PITPNA: variants seen among roughly 807,000 people sequenced by gnomAD.
PITPNA encodes the protein phosphatidylinositol transfer protein alpha isoform.
PITPNA carries 13 observed loss-of-function variants against 50.3 expected under a neutral mutation model. The observed-to-expected ratio is 0.26, with a 90% CI of 0.17 to 0.41. PITPNA has a LOEUF of 0.41. Ranked by LOEUF, PITPNA falls within the 10% of genes least tolerant of loss-of-function variation. The pLI is 1.00. For synonymous variants in PITPNA, 120 were observed against 119.6 expected (o/e 1.00, Z -0.02); for missense variants, 207 against 333.4 (o/e 0.62, Z 2.95).
intron 10 of PITPNA, among the ~76,000 whole-genome samples, chr17:1,524,715 G>A (rs985116260): frequency 1.8e-4 from 28 of 151,916 alleles, no homozygotes; most frequent in African/African-American, 5.6e-4. Context: ...TGGGCATTGT[G>A]GCAGGCACCT....
At chr17:1,548,458 C>T (rs2075690486) in intron 3 of PITPNA, 71 bp from the exon 4 acceptor site, 1 of 1,061,600 alleles carries the variant, frequency 9.4e-7, no homozygotes, top group Admixed American at 2.3e-5. Flanking sequence ...TTTTCAGATC[C>T]AGCTTCTTCA....
chr17:1,521,926 T>C (rs2075516006), intron 10 of PITPNA, among the ~76,000 whole-genome samples: 1 of 150,324 alleles, frequency 6.7e-6, no homozygotes, highest in South Asian at 2.1e-4. Context: ...GGTCTTCCTA[T>C]GTTGACCAGG....
chr17:1,536,579 G>A (rs557661360), intron 7 of PITPNA, among the ~76,000 whole-genome samples: 32 of 149,012 alleles, frequency 2.1e-4, no homozygotes, highest in East Asian at 1.6e-3. Flanking sequence ...GTGAGCCACC[G>A]CGCCCTGCCT....
chr17:1,562,514 G>T lies in PITPNA; in HGVS notation c.20+27C>A. 1.0e-6 allele frequency: 1 copy of T among 996,096 alleles called. No homozygotes were observed. The highest frequency in any genetic ancestry group is 2.5e-5 in the Admixed American group (1 of 39,790). The allele number at this position is 996,096 out of a possible 1,614,324, so 61.7% of individuals were successfully genotyped here. A position where few individuals can be genotyped will look rare whatever the true frequency, so the allele number is the denominator to read the frequency against. Reference sequence around the variant, plus strand: ...GCCGTCCCCACCCTCCCTCCTCCCCGCTTCCGCACGGCCGCCGGACACTCA... The same window carrying T: ...GCCGTCCCCACCCTCCCTCCTCCCCTCTTCCGCACGGCCGCCGGACACTCA... On this transcript the variant is annotated intron_variant, in intron 1 of 11. Transcript: ENST00000313486. The surrounding 1 kb of genome is among the most constrained non-coding windows in gnomAD (Gnocchi z 6.4).
intron 10 of PITPNA, among the ~76,000 whole-genome samples, chr17:1,522,361 G>A (rs150480105): frequency 0.044 from 6,670 of 151,784 alleles, 505 homozygotes; most frequent in African/African-American, 0.15. Context: ...GTGAGCCACC[G>A]CGCCTGGCCG....
At chr17:1,536,651 T>C (rs531585447) in intron 7 of PITPNA, among the ~76,000 whole-genome samples, 3 of 152,022 alleles carry the variant, frequency 2.0e-5, no homozygotes, top group Non-Finnish European at 4.4e-5. Context: ...TGGAGTGCAG[T>C]GGCACGATCT....
chr17:1,560,034 C>A (rs1194945436), intron 1 of PITPNA, among the ~76,000 whole-genome samples: 3 of 152,152 alleles, frequency 2.0e-5, no homozygotes, highest in African/African-American at 7.2e-5. Context: ...AAATCACATC[C>A]AAGATTTTGC....
chr17:1,545,295 G>A (rs1205568025), intron 4 of PITPNA, among the ~76,000 whole-genome samples: 1 of 152,234 alleles, frequency 6.6e-6, no homozygotes, highest in Non-Finnish European at 1.5e-5. Flanking sequence ...CAAAAGCCAT[G>A]AGGCATTTTA....
intron 10 of PITPNA, among the ~76,000 whole-genome samples, chr17:1,523,381 T>C (rs1433776612): frequency 1.3e-5 from 2 of 152,182 alleles, no homozygotes; most frequent in East Asian, 1.9e-4. Context: ...CTGGCTCTGT[T>C]GCCCAGGATG....
At chr17:1,524,045 CTTTT>C (rs71148495) in intron 10 of PITPNA, among the ~76,000 whole-genome samples, 7 of 101,904 alleles carry the variant, frequency 6.9e-5, no homozygotes, top group Non-Finnish European at 8.1e-5. Flanking sequence ...TTTCTTTTTT[CTTTT>C]TTTTTTTTTT....
At chr17:1,556,794 C>G (rs1027128989) in intron 2 of PITPNA, among the ~76,000 whole-genome samples, 19 of 152,058 alleles carry the variant, frequency 1.2e-4, no homozygotes, top group Non-Finnish European at 2.6e-4. Context: ...AAAATCATCG[C>G]TTGCTATTTT....
At chr17:1,556,588 G>C (rs1276138689) in intron 2 of PITPNA, among the ~76,000 whole-genome samples, 1 of 152,088 alleles carries the variant, frequency 6.6e-6, no homozygotes, top group Non-Finnish European at 1.5e-5. Context: ...GTTCCATCAA[G>C]AAACTCCCTA....
rs929287490 is a variant in PITPNA, at chr17:1,519,821, A to C, written c.*740T>G. On this transcript the variant is annotated 3_prime_UTR_variant, in exon 12 of 12. Transcript: ENST00000313486. Reference sequence around the variant, plus strand: ...AGAGTTGACTGGGGCGATTTTGTAGACTGCAGAGAGATTCAGAGCGGGCAA... The same window carrying C: ...AGAGTTGACTGGGGCGATTTTGTAGCCTGCAGAGAGATTCAGAGCGGGCAA... 12 of 152,308 alleles carry C rather than the reference A, an allele frequency of 7.9e-5. No homozygotes were observed. The highest frequency in any genetic ancestry group is 7.9e-4 in the Admixed American group (12 of 15,276). 9.4% of individuals were successfully genotyped at this position (152,308 alleles called of 1,614,324 possible). A position where few individuals can be genotyped will look rare whatever the true frequency, so the allele number is the denominator to read the frequency against.
chr17:1,541,670 T>A, intron 5 of PITPNA, 30 bp from the exon 6 acceptor site: 1 of 1,398,368 alleles, frequency 7.2e-7, no homozygotes. Flanking sequence ...TACATGAAAG[T>A]CACTAGGTTC....
chr17:1,535,528 A>G lies in PITPNA; in HGVS notation c.457-10T>C. ...CCTCTGCCTTGTAATCCTGAGAGAAATTGTGGAATTGGGGTTGGAGGGGAG... is the reference window on the plus strand; with the variant it reads ...CCTCTGCCTTGTAATCCTGAGAGAAGTTGTGGAATTGGGGTTGGAGGGGAG... On this transcript the variant is annotated splice_polypyrimidine_tract_variant and intron_variant, in intron 7 of 11. Coordinates refer to ENST00000313486, the MANE Select transcript of PITPNA (RefSeq NM_006224.4). 6.3e-7 allele frequency: 1 copy of G among 1,594,610 alleles called. No homozygotes were observed.
At position 1,534,094 on chromosome 17, in the gene PITPNA, C is replaced by A; in HGVS notation, c.768+5G>T. 1 of 1,613,760 alleles carries A rather than the reference C, an allele frequency of 6.2e-7. No individual in the cohort carries two copies. The highest frequency in any genetic ancestry group is 8.5e-7 in the Non-Finnish European group (1 of 1,179,760). On this transcript the variant is annotated splice_donor_5th_base_variant and intron_variant, in intron 10 of 11. Coordinates refer to ENST00000313486, the MANE Select transcript of PITPNA (RefSeq NM_006224.4). ...TAATTGAGAGCCCCCAGAGCCCCCA[C>A]TTACTTCATCCAGCTGTCTCTTCGT...
chr17:1,545,334 A>T (rs1413441997), intron 4 of PITPNA, among the ~76,000 whole-genome samples: 1 of 152,224 alleles, frequency 6.6e-6, no homozygotes, highest in African/African-American at 2.4e-5. Flanking sequence ...ATCTTCCTTC[A>T]AACTTGGATC....
chr17:1,522,124 T>C (rs2075517939), intron 10 of PITPNA, among the ~76,000 whole-genome samples: 1 of 148,972 alleles, frequency 6.7e-6, no homozygotes, highest in Non-Finnish European at 1.5e-5. Flanking sequence ...GACTGCGGAC[T>C]GCAGTGGCGC....
At position 1,538,919 on chromosome 17, in the gene PITPNA, C is replaced by T. The variant is rs747074455; in HGVS notation, c.406G>A (p.Val136Met). The change falls in exon 7 of 12, where the codon GTG (valine) becomes ATG (methionine). Residue 136 changes from valine to methionine, a missense_variant. By Grantham distance (21) the Val-to-Met change is conservative. Transcript: ENST00000313486. ...HKLEPEAWKH[V>M]EAVYIDIADR... ...GCAATGTCTATATATACGGCTTCCA[C>T]GTGTTTCCACGCCTCAGGCTCCAGC... 2.2e-5 allele frequency: 35 copies of T among 1,613,694 alleles called. No homozygotes were observed. The highest frequency in any genetic ancestry group is 4.0e-5 in the African/African-American group (3 of 74,932).
Sources: allele counts gnomAD v4.1 joint callset (sites outside exome capture counted in the v4.1 genomes callset), GRCh38; gene constraint gnomAD v4.1.1; non-coding constraint Gnocchi (gnomAD v3.1); transcripts MANE v1.5; gene names NCBI Gene and HGNC (gene_info 2026-07-23, HGNC 2026-07-21).